FSIP2: variants seen among roughly 807,000 people sequenced by gnomAD.
The protein encoded by FSIP2 is fibrous sheath-interacting protein 2.
A neutral mutation model predicts 510.5 loss-of-function variants in FSIP2; 367 were observed. That is an observed-to-expected ratio of 0.72 (90% CI 0.66 to 0.78). FSIP2 has a LOEUF of 0.78. Among genes scored for constraint, FSIP2 ranks in the 30% least tolerant of loss-of-function variants. The pLI is 0.00. For synonymous variants in FSIP2, 2,601 were observed against 2,732.2 expected (o/e 0.95, Z 1.50); for missense variants, 7,594 against 7,901.7 (o/e 0.96, Z 1.48).
At position 185,803,087 on chromosome 2, in the gene FSIP2, G is replaced by A. The variant is rs1478718898; in HGVS notation, c.13781G>A (p.Ser4594Asn). Residue 4594 changes from serine to asparagine, a missense_variant, in exon 17 of 23, where the codon AGT (serine) becomes AAT (asparagine). Physicochemically the swap from Ser to Asn is conservative, Grantham distance 46 (BLOSUM62 1). Coordinates refer to ENST00000424728, the MANE Select transcript of FSIP2 (RefSeq NM_173651.4). ...CAAAAACATCTTCAGCCATTTGTGA[G>A]TGGAAAATCATTATCTTCATCAGAC... ...ICQKHLQPFVSGKSLSSSDTY... is the reference protein window; with the variant it reads ...ICQKHLQPFVNGKSLSSSDTY... 6.6e-7 allele frequency: 1 copy of A among 1,515,376 alleles called. No homozygotes were observed. Among genetic ancestry groups the A allele is most frequent in the Admixed American group, 2.1e-5 (1 of 47,446 alleles). The allele number at this position is 1,515,376 out of a possible 1,614,324, so 93.9% of individuals were successfully genotyped here.
chr2:185,762,873 A>G (rs1692383849), intron 11 of FSIP2, among the ~76,000 whole-genome samples: 1 of 151,510 alleles, frequency 6.6e-6, no homozygotes, highest in African/African-American at 2.4e-5. Flanking sequence ...ACTCAAATGC[A>G]AAAAGTTAAT....
intron 2 of FSIP2, among the ~76,000 whole-genome samples, chr2:185,741,853 C>G (rs1559007616): frequency 6.6e-6 from 1 of 152,176 alleles, no homozygotes; most frequent in Admixed American, 6.5e-5. Context: ...AAAGCATTCT[C>G]CTACCTACCT....
At chr2:185,748,569 CA>C (rs1252135529) in intron 7 of FSIP2, among the ~76,000 whole-genome samples, 2 of 150,266 alleles carry the variant, frequency 1.3e-5, no homozygotes, top group African/African-American at 2.4e-5. Flanking sequence ...GACTCCATCT[CA>C]AAAAAAAAGA....
At chr2:185,782,798 AT>A (rs1559022508) in intron 14 of FSIP2, 36 bp downstream of exon 14, 4 of 1,039,696 alleles carry the variant, frequency 3.8e-6, no homozygotes, top group Non-Finnish European at 5.7e-6. Context: ...ATCATAACTA[AT>A]TTTAATGATT....
intron 9 of FSIP2, among the ~76,000 whole-genome samples, chr2:185,759,459 T>C (rs1199582871): frequency 6.9e-6 from 1 of 144,610 alleles, no homozygotes; most frequent in African/African-American, 2.5e-5. Context: ...ATTAAAATTA[T>C]ATTATACAGA....
intron 13 of FSIP2, among the ~76,000 whole-genome samples, chr2:185,773,390 A>T (rs1476831085): frequency 5.9e-5 from 9 of 152,180 alleles, no homozygotes; most frequent in Admixed American, 5.2e-4. Context: ...TTTTCTTTGT[A>T]AGTGACTAGA....
intron 20 of FSIP2, among the ~76,000 whole-genome samples, chr2:185,825,550 C>G (rs954302901): frequency 2.0e-5 from 3 of 151,756 alleles, no homozygotes; most frequent in African/African-American, 7.2e-5. Flanking sequence ...ATGTAATACT[C>G]CTGCACATGT....
In FSIP2 at chr2:185,805,000, A is replaced by G; in HGVS notation, c.15694A>G (p.Met5232Val). 6.3e-7 allele frequency: 1 copy of G among 1,576,996 alleles called. No individual in the cohort carries two copies. The highest frequency in any genetic ancestry group is 8.6e-7 in the Non-Finnish European group (1 of 1,166,158). The change falls in exon 17 of 23, where the codon ATG (methionine) becomes GTG (valine). Residue 5232 changes from methionine (M) to valine (V), a missense_variant. Met to Val is a conservative substitution (Grantham distance 21). Coordinates refer to ENST00000424728, the MANE Select transcript of FSIP2 (RefSeq NM_173651.4). ...AGCTGGTTTTATTATGAAAGAAATC[A>G]TGTATCATCATTTACAGCCATTTTT... ...KLAGFIMKEI[M>V]YHHLQPFLHG...
rs144729891 is a variant in FSIP2, at chr2:185,742,691, T to A, written c.226-442T>A. 4.6e-3 allele frequency among the ~76,000 whole-genome samples: 699 copies of A among 152,362 alleles called. 3 individuals carry two copies. The highest frequency in any genetic ancestry group is 6.1e-3 in the Non-Finnish European group (413 of 68,026). On this transcript the variant is annotated intron_variant, in intron 2 of 22. Transcript: ENST00000424728. ...CATAAATTTTGATGAAACATTTTGT[T>A]ATTTTTGTTCATTTTAAGATGATTG...
At position 185,824,451 on chromosome 2, in the gene FSIP2, A is replaced by C; in HGVS notation, c.20444A>C (p.His6815Pro). 2.5e-6 allele frequency: 4 copies of C among 1,591,996 alleles called. No individual in the cohort carries two copies. The highest frequency in any genetic ancestry group is 3.4e-6 in the Non-Finnish European group (4 of 1,167,632). The stretch of plus-strand genomic sequence containing the variant: ...TGTTTTAGTGAGGCTGAAGATTGTC[A>C]CTCAGACCCAAGTGCTAAAATATTA... ...ISSTGEAEDCHSDPSAKILEE... is the reference protein window; with the variant it reads ...ISSTGEAEDCPSDPSAKILEE... Residue 6815 changes from histidine (H) to proline (P), a missense_variant, in exon 20 of 23, where the codon CAC (histidine) becomes CCC (proline). His to Pro is a moderately conservative substitution (Grantham distance 77). Coordinates refer to ENST00000424728, the MANE Select transcript of FSIP2 (RefSeq NM_173651.4).
chr2:185,772,569 G>A (rs1190344873), intron 13 of FSIP2, among the ~76,000 whole-genome samples: 1 of 152,004 alleles, frequency 6.6e-6, no homozygotes, highest in Non-Finnish European at 1.5e-5. Context: ...TGTGAACTCA[G>A]CACAAGAACT....
chr2:185,768,707 G>T (rs973358344), intron 13 of FSIP2, among the ~76,000 whole-genome samples: 1 of 151,938 alleles, frequency 6.6e-6, no homozygotes, highest in African/African-American at 2.4e-5. Context: ...AGGGTTTGTT[G>T]TACAGATTAT....
At position 185,824,621 on chromosome 2, in the gene FSIP2, C is replaced by T. The variant is rs368550596; in HGVS notation, c.20473+141C>T. Reference sequence around the variant, plus strand: ...TTTTGAAAATGATCCAGTATTACCTCATTCAGGTGTTAAAATGAGTCAAAT... The same window carrying T: ...TTTTGAAAATGATCCAGTATTACCTTATTCAGGTGTTAAAATGAGTCAAAT... On this transcript the variant is annotated intron_variant, in intron 20 of 22. Coordinates refer to ENST00000424728, the MANE Select transcript of FSIP2 (RefSeq NM_173651.4). 8.4e-6 allele frequency: 5 copies of T among 592,546 alleles called. 1 individual carries two copies. In the South Asian group the frequency reaches 1.2e-4, roughly 14 times the overall value. The allele number at this position is 592,546 out of a possible 1,614,324, so 36.7% of individuals were successfully genotyped here.
chr2:185,805,172 G>A lies in FSIP2; in HGVS notation c.15866G>A (p.Cys5289Tyr). ...ATCATTGACCTTGTTCACAAATTTT[G>A]TTCTCTCCTCATTATTACTGAAGAT... ...DIIIDLVHKF[C>Y]SLLIITEDSK... The change falls in exon 17 of 23, where the codon TGT (cysteine) becomes TAT (tyrosine). Residue 5289 changes from cysteine to tyrosine, a missense_variant. By Grantham distance (194) the Cys-to-Tyr change is radical (BLOSUM62 -2). Transcript: ENST00000424728. 6.2e-7 allele frequency: 1 copy of A among 1,610,038 alleles called. No homozygotes were observed. The highest frequency in any genetic ancestry group is 8.5e-7 in the Non-Finnish European group (1 of 1,177,734).
At position 185,832,371 on chromosome 2, in the gene FSIP2, T is replaced by C. The variant is rs547959469; in HGVS notation, c.20587+489T>C. Among the ~76,000 whole-genome samples the C allele has an allele frequency of 3.3e-5, 5 of 151,966 alleles. No homozygotes were observed. The South Asian group carries it at 1.0e-3, about 32-fold the overall frequency. On this transcript the variant is annotated intron_variant, in intron 22 of 22. Transcript: ENST00000424728. ...GGCATGCTGCCTTTGAAGGAGGCAG[T>C]TGCTACTCATCTACAATCACTGGCA... is the stretch of plus-strand genomic sequence containing the variant.
chr2:185,806,561 G>T lies in FSIP2; in HGVS notation c.17255G>T (p.Arg5752Ile). 6.2e-7 allele frequency: 1 copy of T among 1,603,698 alleles called. No individual in the cohort carries two copies. The highest frequency in any genetic ancestry group is 8.5e-7 in the Non-Finnish European group (1 of 1,176,818). The change falls in exon 17 of 23, where the codon AGA (arginine) becomes ATA (isoleucine). Residue 5752 changes from arginine (R) to isoleucine (I), a missense_variant. By Grantham distance (97) the Arg-to-Ile change is moderately conservative (BLOSUM62 -3). Coordinates refer to ENST00000424728, the MANE Select transcript of FSIP2 (RefSeq NM_173651.4). ...GCCAAAGAAAAAGAAGAGGAAGAGA[G>T]AGAAAAAGAGAAAGTAAGAGAGGAG... is the stretch of plus-strand genomic sequence containing the variant. ...ISAKEKEEEE[R>I]EKEKVREEIK...
chr2:185,796,274 G>A lies in FSIP2; in HGVS notation c.9138G>A (p.Leu3046=). 6.5e-7 allele frequency: 1 copy of A among 1,533,128 alleles called. No homozygotes were observed. The highest frequency in any genetic ancestry group is 8.7e-7 in the Non-Finnish European group (1 of 1,145,492). 95.0% of individuals were successfully genotyped at this position (1,533,128 alleles called of 1,614,324 possible). The part of the protein sequence containing the change: ...NKKMLPKLQP[L]KMFSDKSESN... ...AAATGTTGCCAAAATTACAACCACT[G>A]AAAATGTTTTCTGATAAATCCGAGT... Residue 3046 remains leucine (L), a synonymous_variant, in exon 16 of 23, where the codon CTG becomes CTA. Transcript: ENST00000424728.
Position 185,804,621 on chromosome 2 carries a change from C to T in FSIP2, c.15315C>T (p.Ala5105=). 1 of 1,533,308 alleles carries T rather than the reference C, an allele frequency of 6.5e-7. No homozygotes were observed. The allele number at this position is 1,533,308 out of a possible 1,614,324, so 95.0% of individuals were successfully genotyped here. A position where few individuals can be genotyped will look rare whatever the true frequency, so the allele number is the denominator to read the frequency against. ...VLNIITKDSH[A]LPPYITVLPH... ...ACATAATCACAAAGGATAGCCATGC[C>T]TTGCCACCATATATTACTGTGTTGC... The change falls in exon 17 of 23, where the codon GCC becomes GCT. Residue 5105 remains alanine (A), a synonymous_variant. Transcript: ENST00000424728.
chr2:185,751,249 T>G (rs1211098649), intron 7 of FSIP2, among the ~76,000 whole-genome samples: 2 of 151,522 alleles, frequency 1.3e-5, no homozygotes, highest in African/African-American at 4.8e-5. Flanking sequence ...TGAAGCTCAG[T>G]ATTAGGTAAA....
Sources: allele counts gnomAD v4.1 joint callset (sites outside exome capture counted in the v4.1 genomes callset), GRCh38; gene constraint gnomAD v4.1.1; transcripts MANE v1.5; gene names NCBI Gene and HGNC (gene_info 2026-07-23, HGNC 2026-07-21).